CFAP299: variants seen among roughly 807,000 people sequenced by gnomAD.
CFAP299 encodes the protein cilia- and flagella-associated protein 299.
A neutral mutation model predicts 27.0 loss-of-function variants in CFAP299; 21 were observed. The ratio of observed to expected loss-of-function variants is 0.78; its 90% CI spans 0.55 to 1.12. The LOEUF is 1.12. Ranked by LOEUF, CFAP299 falls within the 50% of genes most tolerant of loss-of-function variation. CFAP299 has a pLI of 0.00. For synonymous variants in CFAP299, 104 were observed against 98.1 expected, an observed-to-expected ratio of 1.06 and a Z score of -0.36; for missense variants, 310 against 276.6, an observed-to-expected ratio of 1.12 and a Z score of -0.86.
At chr4:80,733,204 T>G (rs1400250090) in intron 3 of CFAP299, among the ~76,000 whole-genome samples, 1 of 152,172 alleles carries the variant, frequency 6.6e-6, no homozygotes, top group East Asian at 1.9e-4. Context: ...AATGAACTAC[T>G]AAGTTACTCT....
Position 80,384,312 on chromosome 4 carries a change from A to T in CFAP299, c.242+21428A>T, listed in dbSNP as rs1405655005. Among the ~76,000 whole-genome samples the T allele has an allele frequency of 2.0e-5, 3 of 152,282 alleles. No individual in the cohort carries two copies. The South Asian group carries it at 6.2e-4, about 32-fold the overall frequency. The stretch of plus-strand genomic sequence containing the variant: ...ACATATATTTTTATTTTTTCTGGTG[A>T]GGACTATGCTGAGAATTAAAAACAA... On this transcript the variant is annotated intron_variant, in intron 2 of 5. Coordinates refer to ENST00000358105, the MANE Select transcript of CFAP299 (RefSeq NM_152770.3).
intron 4 of CFAP299, among the ~76,000 whole-genome samples, chr4:80,920,238 A>G (rs1363441164): frequency 1.3e-5 from 2 of 152,280 alleles, no homozygotes; most frequent in South Asian, 2.1e-4. Context: ...CTCACTTTGA[A>G]TGTGACTCAC....
chr4:80,845,624 T>G (rs1194876209), intron 3 of CFAP299, among the ~76,000 whole-genome samples: 1 of 152,126 alleles, frequency 6.6e-6, no homozygotes, highest in Non-Finnish European at 1.5e-5. Context: ...TCCCCTGGAT[T>G]TTTTTATTAT....
At chr4:80,599,476 A>G (rs1460163610) in intron 3 of CFAP299, among the ~76,000 whole-genome samples, 2 of 152,182 alleles carry the variant, frequency 1.3e-5, no homozygotes, top group African/African-American at 4.8e-5. Context: ...GCAATGACAG[A>G]TAAGAATCCT....
chr4:80,493,759 C>CTTTTTT (rs1177389983), intron 2 of CFAP299, among the ~76,000 whole-genome samples: 28 of 76,766 alleles, frequency 3.6e-4, no homozygotes, highest in Non-Finnish European at 5.5e-4. Context: ...ATCTCATATT[C>CTTTTTT]TTTTTTTTTT....
At chr4:80,901,597 T>C (rs1421254172) in intron 4 of CFAP299, among the ~76,000 whole-genome samples, 1 of 152,118 alleles carries the variant, frequency 6.6e-6, no homozygotes, top group African/African-American at 2.4e-5. Context: ...TTACTTGTAG[T>C]TTTAAAACCA....
chr4:80,552,997 A>T (rs1734601077), intron 2 of CFAP299, among the ~76,000 whole-genome samples: 1 of 146,242 alleles, frequency 6.8e-6, no homozygotes, highest in South Asian at 2.2e-4. Context: ...CAATAGGTTT[A>T]TTTTTTTTTT....
intron 3 of CFAP299, among the ~76,000 whole-genome samples, chr4:80,592,061 T>G (rs1184263304): frequency 6.6e-6 from 1 of 152,144 alleles, no homozygotes; most frequent in Non-Finnish European, 1.5e-5. Flanking sequence ...AAACTCAATT[T>G]TATGTACCTT....
At chr4:80,685,408 TG>T (rs1720118265) in intron 3 of CFAP299, among the ~76,000 whole-genome samples, 1 of 152,040 alleles carries the variant, frequency 6.6e-6, no homozygotes, top group Non-Finnish European at 1.5e-5. Flanking sequence ...ACTGAAACCT[TG>T]CCAATTGCAC....
intron 3 of CFAP299, among the ~76,000 whole-genome samples, chr4:80,668,457 G>C (rs985483750): frequency 6.6e-6 from 1 of 152,084 alleles, no homozygotes; most frequent in East Asian, 1.9e-4. Flanking sequence ...ACTTCAGTCT[G>C]TAATCTATTT....
intron 2 of CFAP299, among the ~76,000 whole-genome samples, chr4:80,466,598 G>GAAGC (rs1163449656): frequency 2.0e-5 from 3 of 152,158 alleles, no homozygotes; most frequent in African/African-American, 7.2e-5. Flanking sequence ...AATGGCCATG[G>GAAGC]AAGCCTTCCA....
At chr4:80,534,787 T>C (rs2110191481) in intron 2 of CFAP299, among the ~76,000 whole-genome samples, 1 of 152,236 alleles carries the variant, frequency 6.6e-6, no homozygotes, top group Middle Eastern at 3.4e-3. Flanking sequence ...TGAGTCACAG[T>C]GAGATATTAT....
intron 1 of CFAP299, among the ~76,000 whole-genome samples, chr4:80,360,924 G>T (rs1373515531): frequency 3.3e-5 from 5 of 152,118 alleles, no homozygotes; most frequent in African/African-American, 1.2e-4. Context: ...AAAAAGTTGT[G>T]TTCGAATATG....
chr4:80,825,832 T>C (rs1578159819), intron 3 of CFAP299, among the ~76,000 whole-genome samples: 1 of 152,038 alleles, frequency 6.6e-6, no homozygotes, highest in East Asian at 1.9e-4. Context: ...GGTAAACATA[T>C]GAACATTTAT....
intron 2 of CFAP299, among the ~76,000 whole-genome samples, chr4:80,481,324 T>G (rs1252085099): frequency 6.6e-6 from 1 of 151,960 alleles, no homozygotes; most frequent in African/African-American, 2.4e-5. Flanking sequence ...ACCAATAAAA[T>G]CTCCCTAAAT....
chr4:80,670,428 G>T (rs1472074956), intron 3 of CFAP299, among the ~76,000 whole-genome samples: 1 of 152,150 alleles, frequency 6.6e-6, no homozygotes, highest in African/African-American at 2.4e-5. Context: ...CTGCTATTGT[G>T]AATAGTGCCA....
intron 3 of CFAP299, among the ~76,000 whole-genome samples, chr4:80,857,575 A>G (rs948926815): frequency 6.6e-6 from 1 of 152,150 alleles, no homozygotes; most frequent in African/African-American, 2.4e-5. Context: ...TTTGAGATAC[A>G]TCCCATCAAT....
intron 3 of CFAP299, among the ~76,000 whole-genome samples, chr4:80,670,377 C>G (rs765617901): frequency 1.3e-5 from 2 of 152,184 alleles, no homozygotes; most frequent in Non-Finnish European, 2.9e-5. Flanking sequence ...ATTTCTTAAG[C>G]TAGCCTATCA....
At chr4:80,800,433 A>G (rs1401467200) in intron 3 of CFAP299, among the ~76,000 whole-genome samples, 1 of 63,554 alleles carries the variant, frequency 1.6e-5, no homozygotes, top group Non-Finnish European at 2.6e-5. Flanking sequence ...TATATATAAT[A>G]TATAATATAT....
Sources: gnomAD v4.1 joint callset for allele counts (sites outside exome capture counted in the v4.1 genomes callset) on GRCh38, gnomAD v4.1.1 for gene constraint, MANE v1.5 for transcripts, NCBI Gene and HGNC (gene_info 2026-07-23, HGNC 2026-07-21) for gene names.